The following NPAS3 variants were observed in gnomAD, a reference collection of about 807,000 sequenced individuals.
The protein encoded by NPAS3 is neuronal PAS domain protein 3.
In NPAS3, 14 loss-of-function variants were observed where a neutral mutation model predicts 73.1. That is an observed-to-expected ratio of 0.19 (90% CI 0.13 to 0.30). The LOEUF (loss-of-function observed/expected upper bound fraction) is 0.30. Ranked by LOEUF, NPAS3 falls within the 10% of genes least tolerant of loss-of-function variation. The pLI, the probability that NPAS3 is intolerant of heterozygous loss-of-function variation, is 1.00. For synonymous variants in NPAS3, 620 were observed against 541.5 expected, an observed-to-expected ratio of 1.14 and a Z score of -2.01; for missense variants, 1,096 against 1,250.0, an observed-to-expected ratio of 0.88 and a Z score of 1.86.
At chr14:33,306,019 A>G (rs542746358) in intron 3 of NPAS3, among the ~76,000 whole-genome samples, 1 of 152,182 alleles carries the variant, frequency 6.6e-6, no homozygotes, top group Non-Finnish European at 1.5e-5. Flanking sequence ...GACCAGCATT[A>G]TATATTATAT....
intron 7 of NPAS3, among the ~76,000 whole-genome samples, chr14:33,739,566 C>G (rs1459642928): frequency 6.6e-6 from 1 of 152,138 alleles, no homozygotes; most frequent in Non-Finnish European, 1.5e-5. Context: ...TCTCTTGTTA[C>G]TAGAACTTCA....
intron 5 of NPAS3, among the ~76,000 whole-genome samples, chr14:33,659,742 A>G (rs896996097): frequency 6.6e-6 from 1 of 152,212 alleles, no homozygotes; most frequent in African/African-American, 2.4e-5. Flanking sequence ...AGCAAAAAAA[A>G]AAGTAGCATT....
intron 5 of NPAS3, among the ~76,000 whole-genome samples, chr14:33,675,949 T>C (rs2059750215): frequency 1.3e-5 from 2 of 151,788 alleles, no homozygotes. Context: ...TTTCACAGAA[T>C]GTTTGGCTTT....
At chr14:33,068,619 A>G (rs1437854953) in intron 2 of NPAS3, among the ~76,000 whole-genome samples, 24 of 152,218 alleles carry the variant, frequency 1.6e-4, no homozygotes, top group Admixed American at 1.5e-3. Flanking sequence ...AGTCTGTTAC[A>G]TGGCAGTCAG....
In NPAS3 at chr14:33,800,626, G is replaced by C; in HGVS notation, c.2319G>C (p.Ala773=). 1 of 1,371,332 alleles carries C rather than the reference G, an allele frequency of 7.3e-7. No homozygotes were observed. The highest frequency in any genetic ancestry group is 9.4e-7 in the Non-Finnish European group (1 of 1,069,372). 84.9% of individuals were successfully genotyped at this position (1,371,332 alleles called of 1,614,324 possible). Residue 773 remains alanine, a synonymous_variant, in exon 12 of 12, where the codon GCG becomes GCC. Transcript: ENST00000356141. This position sits in a 1 kb window ranked among gnomAD's most constrained non-coding sequence, Gnocchi z 6.5. The stretch of plus-strand genomic sequence containing the variant: ...GGGGCGGGGGCGGGGGCGGCGGCGC[G>C]GGGGGCGGCGGCCCCAGCGCGTCCA...
chr14:33,238,190 CAT>C (rs1274377879), intron 3 of NPAS3, among the ~76,000 whole-genome samples: 11 of 151,928 alleles, frequency 7.2e-5, no homozygotes, highest in African/African-American at 2.7e-4. Context: ...AGATCGTAAA[CAT>C]ATTACCTGCA....
chr14:33,406,918 C>T (rs1233219013), intron 4 of NPAS3, among the ~76,000 whole-genome samples: 16 of 152,022 alleles, frequency 1.1e-4, no homozygotes, highest in Non-Finnish European at 1.9e-4. Flanking sequence ...CTGTAAACAC[C>T]GGATCCCACT....
intron 2 of NPAS3, among the ~76,000 whole-genome samples, chr14:33,075,755 C>T (rs1449586493): frequency 6.6e-6 from 1 of 152,150 alleles, no homozygotes; most frequent in Non-Finnish European, 1.5e-5. Context: ...AATGAATTTT[C>T]ATAAATAATG....
chr14:33,582,579 A>G (rs1480901318), intron 5 of NPAS3, among the ~76,000 whole-genome samples: 3 of 152,210 alleles, frequency 2.0e-5, no homozygotes, highest in African/African-American at 2.4e-5. Flanking sequence ...AGTATGCACT[A>G]TTTAATAGGT....
chr14:33,409,715 T>C (rs1036443481), intron 4 of NPAS3, among the ~76,000 whole-genome samples: 2 of 152,182 alleles, frequency 1.3e-5, no homozygotes, highest in African/African-American at 2.4e-5. Flanking sequence ...TGGGCCTTTA[T>C]GCTTTCTTCA....
At chr14:33,640,261 C>T (rs1288849997) in intron 5 of NPAS3, among the ~76,000 whole-genome samples, 1 of 152,120 alleles carries the variant, frequency 6.6e-6, no homozygotes, top group East Asian at 1.9e-4. Flanking sequence ...CTTCTTGCTC[C>T]CTAGAGAAAA....
chr14:33,096,686 G>A (rs980943864), intron 2 of NPAS3, among the ~76,000 whole-genome samples: 22 of 152,064 alleles, frequency 1.4e-4, no homozygotes, highest in African/African-American at 4.3e-4. Context: ...GCTTATATCC[G>A]TAGTCTGGCA....
chr14:33,781,768 A>G (rs1330046236), intron 9 of NPAS3, among the ~76,000 whole-genome samples: 1 of 152,324 alleles, frequency 6.6e-6, no homozygotes, highest in East Asian at 1.9e-4. Flanking sequence ...CGTTTTTTTA[A>G]AAGACTTAAT....
chr14:33,169,883 C>T (rs2045321868), intron 2 of NPAS3, among the ~76,000 whole-genome samples: 1 of 152,146 alleles, frequency 6.6e-6, no homozygotes, highest in African/African-American at 2.4e-5. Flanking sequence ...TTGTCGGTAC[C>T]TGATTCTCGA....
At chr14:33,302,401 A>G (rs1594640675) in intron 3 of NPAS3, among the ~76,000 whole-genome samples, 1 of 152,298 alleles carries the variant, frequency 6.6e-6, no homozygotes, top group Non-Finnish European at 1.5e-5. Flanking sequence ...ATGGATGAGA[A>G]TTCAGAAATT....
chr14:33,062,938 A>G (rs12893823), intron 2 of NPAS3, among the ~76,000 whole-genome samples: 52,360 of 152,132 alleles, frequency 0.34, 9,321 homozygotes, highest in African/African-American at 0.43. Flanking sequence ...GCATTAGAGT[A>G]TAATCATTAT....
chr14:33,186,553 C>T (rs2045980628), intron 2 of NPAS3, among the ~76,000 whole-genome samples: 2 of 152,114 alleles, frequency 1.3e-5, no homozygotes, highest in East Asian at 1.9e-4. Context: ...GATGATAGCT[C>T]AAGTTCTGCC....
At position 33,195,574 on chromosome 14, in the gene NPAS3, A is replaced by G. The variant is rs115106025; in HGVS notation, c.141-19608A>G. 5.6e-3 allele frequency among the ~76,000 whole-genome samples: 849 copies of G among 152,340 alleles called. 5 individuals are homozygous for G. The highest frequency in any genetic ancestry group is 0.019 in the African/African-American group (796 of 41,584). The stretch of plus-strand genomic sequence containing the variant: ...TGAGCCACCATGCCTGGCCAAAACA[A>G]GAGTTTTAATTTAATGTTTAAAACA... On this transcript the variant is annotated intron_variant, in intron 2 of 11. Coordinates refer to ENST00000356141, the Ensembl canonical transcript of NPAS3.
chr14:32,939,099 C>G (rs2035840579), upstream of NPAS3: 1 of 139,166 alleles, frequency 7.2e-6, no homozygotes, highest in Admixed American at 7.9e-5. Context: ...CGTAGCCTCC[C>G]CACCTCAGCA....
Sources: gnomAD v4.1 joint callset for allele counts (sites outside exome capture counted in the v4.1 genomes callset) on GRCh38, gnomAD v4.1.1 for gene constraint, Gnocchi (gnomAD v3.1) non-coding constraint, MANE v1.5 for transcripts, NCBI Gene and HGNC (gene_info 2026-07-23, HGNC 2026-07-21) for gene names.